Variants in DHX57 observed in about 807,000 individuals in gnomAD.
The protein encoded by DHX57 is putative ATP-dependent RNA helicase DHX57.
DHX57 carries 105 observed loss-of-function variants against 156.2 expected under a neutral mutation model. The ratio of observed to expected loss-of-function variants is 0.67; its 90% CI spans 0.57 to 0.79. The LOEUF (loss-of-function observed/expected upper bound fraction) is 0.79. Ranked by LOEUF, DHX57 falls within the 30% of genes least tolerant of loss-of-function variation. The pLI is 0.00. For missense variants in DHX57, 1,847 were observed against 1,661.9 expected (o/e 1.11, Z -1.94); for synonymous variants, 704 against 595.6 (o/e 1.18, Z -2.65).
Position 38,875,809 on chromosome 2 carries a change from G to C in DHX57, c.-29C>G. On this transcript the variant is annotated 5_prime_UTR_variant, in exon 1 of 24. Transcript: ENST00000457308. ...TACCTGGCTCGCAGAGTTGGGTCCC[G>C]AGCCGGCTGTCGGGAGGTGCTGCCC... 1 of 384,616 alleles carries C rather than the reference G, an allele frequency of 2.6e-6. No homozygotes were observed. The highest frequency in any genetic ancestry group is 4.6e-6 in the Non-Finnish European group (1 of 217,598). 23.8% of individuals were successfully genotyped at this position (384,616 alleles called of 1,614,324 possible).
chr2:38,860,346 G>C (rs1284284075), intron 5 of DHX57, among the ~76,000 whole-genome samples: 1 of 152,192 alleles, frequency 6.6e-6, no homozygotes, highest in Non-Finnish European at 1.5e-5. Flanking sequence ...CTACTCAGGA[G>C]GCTGAGGCAG....
At chr2:38,822,290 A>G (rs1197537122) in intron 17 of DHX57, among the ~76,000 whole-genome samples, 1 of 152,168 alleles carries the variant, frequency 6.6e-6, no homozygotes, top group Non-Finnish European at 1.5e-5. Context: ...CATGTTGGTC[A>G]GGCTGGTCTC....
rs531208707 is a variant in DHX57, at chr2:38,862,577, C to A, written c.384-244G>T. The A allele has an allele frequency of 2.0e-4, 65 of 322,472 alleles. 1 individual carries two copies. In the Middle Eastern group the frequency reaches 3.6e-3, roughly 18 times the overall value. 20.0% of individuals were successfully genotyped at this position (322,472 alleles called of 1,614,324 possible). Reference sequence around the variant, plus strand: ...TCCTTTAATCTTCCCAATAACTGTACCAAATACTACTGGAATGTCCTTTTT... The same window carrying A: ...TCCTTTAATCTTCCCAATAACTGTAACAAATACTACTGGAATGTCCTTTTT... On this transcript the variant is annotated intron_variant, in intron 3 of 23. Transcript: ENST00000457308.
chr2:38,802,105 A>G (rs1669710617), intron 23 of DHX57, among the ~76,000 whole-genome samples: 1 of 152,118 alleles, frequency 6.6e-6, no homozygotes, highest in African/African-American at 2.4e-5. Flanking sequence ...TCTATTATTT[A>G]TATAACAATA....
At chr2:38,810,896 G>T (rs1220025005) in intron 21 of DHX57, 2 of 780,878 alleles carry the variant, frequency 2.6e-6, no homozygotes, top group Non-Finnish European at 2.2e-6. Flanking sequence ...CCCACGCTGT[G>T]CTTGCCTGCG....
intron 1 of DHX57, among the ~76,000 whole-genome samples, chr2:38,870,915 A>T (rs1326905371): frequency 6.6e-6 from 1 of 152,006 alleles, no homozygotes; most frequent in Non-Finnish European, 1.5e-5. Context: ...AAAAAACAAC[A>T]AAAAATAGTT....
At position 38,827,477 on chromosome 2, in the gene DHX57, C is replaced by T. The variant is rs188792991; in HGVS notation, c.2640-788G>A. On this transcript the variant is annotated intron_variant, in intron 14 of 23. Coordinates refer to ENST00000457308, the MANE Select transcript of DHX57 (RefSeq NM_198963.3). Reference sequence around the variant, plus strand: ...CTCCAGCCTGGGCCACAGAGCGAGACTCTGTCTCAAAAAAAAAAAAAAAAA... The same window carrying T: ...CTCCAGCCTGGGCCACAGAGCGAGATTCTGTCTCAAAAAAAAAAAAAAAAA... Among the ~76,000 whole-genome samples the T allele has an allele frequency of 4.8e-3, 320 of 67,300 alleles. 4 individuals are homozygous for T. The highest frequency in any genetic ancestry group is 0.015 in the Admixed American group (61 of 3,982). The allele number at this position is 67,300 out of a possible 152,430, so 44.2% of individuals were successfully genotyped here.
intron 14 of DHX57, 39 bp from the exon 15 acceptor site, chr2:38,826,728 T>C (rs1332413893): frequency 6.3e-7 from 1 of 1,594,138 alleles, no homozygotes; most frequent in African/African-American, 1.3e-5. Context: ...TTCTAGCACC[T>C]AGCACCGAAA....
intron 12 of DHX57, 101 bp from the exon 13 acceptor site, chr2:38,838,048 G>C: frequency 1.3e-6 from 1 of 771,212 alleles, no homozygotes; most frequent in Non-Finnish European, 2.2e-6. Flanking sequence ...AATTAGGTGA[G>C]TGTTGGTTTA....
At chr2:38,843,933 A>C (rs1195872609) in intron 11 of DHX57, among the ~76,000 whole-genome samples, 1 of 152,206 alleles carries the variant, frequency 6.6e-6, no homozygotes, top group East Asian at 1.9e-4. Flanking sequence ...GAATGGGAGC[A>C]AAGTAAGTAA....
At position 38,807,718 on chromosome 2, in the gene DHX57, GCTCACTGCAACCTCCGC is replaced by G. The variant is rs1297883633; in HGVS notation, c.3682-1042_3682-1026del. Among the ~76,000 whole-genome samples, 3 of 151,856 alleles carry G rather than the reference GCTCACTGCAACCTCCGC, an allele frequency of 2.0e-5. No individual in the cohort carries two copies. In the East Asian group the frequency reaches 5.8e-4, roughly 29 times the overall value. ...GCTGGAGTGCAACGGTGCAATCTCGGCTCACTGCAACCTCCGCCTCCTGGGTTCAAGTGATTCTCCTG... is the reference window on the plus strand; with the variant it reads ...GCTGGAGTGCAACGGTGCAATCTCGGCTCCTGGGTTCAAGTGATTCTCCTG... On this transcript the variant is annotated intron_variant, in intron 21 of 23. Coordinates refer to ENST00000457308, the MANE Select transcript of DHX57 (RefSeq NM_198963.3).
intron 12 of DHX57, among the ~76,000 whole-genome samples, chr2:38,838,556 T>C (rs925256312): frequency 1.3e-5 from 2 of 152,230 alleles, no homozygotes; most frequent in Non-Finnish European, 2.9e-5. Flanking sequence ...AAATATTTAT[T>C]GAAAGCTTAA....
chr2:38,830,645 A>AT (rs1671332858), intron 13 of DHX57, among the ~76,000 whole-genome samples: 1 of 151,702 alleles, frequency 6.6e-6, no homozygotes, highest in Non-Finnish European at 1.5e-5. Flanking sequence ...AAAAAAAAAA[A>AT]GAAGGCTACT....
intron 16 of DHX57, among the ~76,000 whole-genome samples, chr2:38,824,662 G>A (rs1454508329): frequency 6.6e-6 from 1 of 151,794 alleles, no homozygotes; most frequent in Non-Finnish European, 1.5e-5. Context: ...TATTTTTTGG[G>A]GGGGTATAGA....
At chr2:38,801,789 G>A (rs1370167769) in intron 23 of DHX57, among the ~76,000 whole-genome samples, 2 of 152,064 alleles carry the variant, frequency 1.3e-5, no homozygotes, top group African/African-American at 2.4e-5. Context: ...TAGAGATGGG[G>A]TTTCACCATA....
At chr2:38,811,580 CT>C in intron 21 of DHX57, 1 of 1,365,944 alleles carries the variant, frequency 7.3e-7, no homozygotes, top group Non-Finnish European at 1.0e-6. Context: ...AGCCTTGTTC[CT>C]TCAGCCACAC....
intron 9 of DHX57, among the ~76,000 whole-genome samples, chr2:38,852,436 T>G (rs1672651195): frequency 6.6e-6 from 1 of 151,710 alleles, no homozygotes; most frequent in Non-Finnish European, 1.5e-5. Context: ...CTCAAGATAT[T>G]TATTGTGGTA....
chr2:38,810,626 C>T lies in DHX57; in HGVS notation c.3681+3195G>A, dbSNP rs1572624760. 3 of 644,566 alleles carry T rather than the reference C, an allele frequency of 4.7e-6. No individual in the cohort carries two copies. In the African/African-American group the frequency reaches 5.4e-5, roughly 12 times the overall value. 39.9% of individuals were successfully genotyped at this position (644,566 alleles called of 1,614,324 possible). A position where few individuals can be genotyped will look rare whatever the true frequency, so the allele number is the denominator to read the frequency against. On this transcript the variant is annotated intron_variant, in intron 21 of 23. Coordinates refer to ENST00000457308, the MANE Select transcript of DHX57 (RefSeq NM_198963.3). ...TACACCTGGCCCTTGAAGATGGATA[C>T]CTGCACTTTCCCTTCCACTCGGTCC...
intron 12 of DHX57, among the ~76,000 whole-genome samples, chr2:38,838,586 AC>A (rs1441393056): frequency 2.0e-5 from 3 of 152,162 alleles, no homozygotes; most frequent in Non-Finnish European, 2.9e-5. Context: ...ACAAAATTCA[AC>A]GTCAAATACA....
Sources: allele counts gnomAD v4.1 joint callset (sites outside exome capture counted in the v4.1 genomes callset), GRCh38; gene constraint gnomAD v4.1.1; transcripts MANE v1.5; gene names NCBI Gene and HGNC (gene_info 2026-07-23, HGNC 2026-07-21).